Variants in ENTREP1 observed in about 807,000 individuals in gnomAD.
ENTREP1 encodes the protein Friedreich ataxia region gene X123.
chr9:69,391,424 G>A, the ENTREP1 span, among the ~76,000 whole-genome samples: 13 of 152,174 alleles, frequency 8.5e-5, no homozygotes, highest in African/African-American at 3.1e-4. Flanking sequence ...AACATTTGGA[G>A]GATTTACAAA....
the ENTREP1 span, among the ~76,000 whole-genome samples, chr9:69,374,494 T>G: frequency 3.9e-5 from 6 of 152,158 alleles, no homozygotes; most frequent in Non-Finnish European, 7.3e-5. Context: ...CACCAGTGAC[T>G]GGTGAATTTC....
the ENTREP1 span, among the ~76,000 whole-genome samples, chr9:69,338,364 A>T: frequency 2.0e-5 from 3 of 152,220 alleles, no homozygotes; most frequent in Non-Finnish European, 4.4e-5. Context: ...TAAATTACTC[A>T]GTAATACAAA....
At chr9:69,378,973 T>G in the ENTREP1 span, among the ~76,000 whole-genome samples, 3 of 151,814 alleles carry the variant, frequency 2.0e-5, no homozygotes, top group African/African-American at 7.3e-5. Flanking sequence ...TAACCCAGAG[T>G]GGCAAGGCAG....
the ENTREP1 span, chr9:69,388,291 C>T: frequency 8.7e-6 from 14 of 1,614,064 alleles, no homozygotes; most frequent in South Asian, 1.5e-4. Flanking sequence ...ATTACAAATC[C>T]TACATGGACA....
chr9:69,391,709 C>T, the ENTREP1 span: 260 of 1,613,922 alleles, frequency 1.6e-4, 1 homozygote, highest in African/African-American at 8.0e-4. Context: ...CACCTTCACA[C>T]CAGCGGGGAG....
chr9:69,335,644 G>A, the ENTREP1 span, among the ~76,000 whole-genome samples: 2 of 152,188 alleles, frequency 1.3e-5, no homozygotes, highest in African/African-American at 2.4e-5. Flanking sequence ...TAATGGATGG[G>A]TACCTGACGA....
chr9:69,335,273 C>T, the ENTREP1 span, among the ~76,000 whole-genome samples: 9 of 152,282 alleles, frequency 5.9e-5, no homozygotes, highest in Middle Eastern at 3.4e-3. Flanking sequence ...AGACACATCC[C>T]TCAATTATTA....
chr9:69,336,325 C>A, the ENTREP1 span: 1 of 1,075,938 alleles, frequency 9.3e-7, no homozygotes, highest in Non-Finnish European at 1.4e-6. Flanking sequence ...TGTATGAAGT[C>A]TGTTCATATA....
the ENTREP1 span, among the ~76,000 whole-genome samples, chr9:69,372,920 C>T: frequency 2.0e-5 from 3 of 151,592 alleles, no homozygotes; most frequent in Non-Finnish European, 4.4e-5. Context: ...TTGCATTTTC[C>T]TTATGATTAG....
the ENTREP1 span, chr9:69,375,777 A>G: frequency 1.9e-6 from 3 of 1,613,846 alleles, no homozygotes; most frequent in African/African-American, 4.0e-5. Flanking sequence ...GTTGTGAAGA[A>G]TTTCAACCAG....
the ENTREP1 span, among the ~76,000 whole-genome samples, chr9:69,368,401 T>G: frequency 6.6e-6 from 1 of 152,140 alleles, no homozygotes; most frequent in Non-Finnish European, 1.5e-5. Context: ...GGATGTTAAA[T>G]TTGATGATCA....
At chr9:69,362,550 G>A in the ENTREP1 span, among the ~76,000 whole-genome samples, 1 of 152,198 alleles carries the variant, frequency 6.6e-6, no homozygotes, top group Non-Finnish European at 1.5e-5. Context: ...AAGTAGTCAT[G>A]ATTCAAATGA....
the ENTREP1 span, chr9:69,375,844 G>T: frequency 6.2e-7 from 1 of 1,613,798 alleles, no homozygotes; most frequent in Admixed American, 1.7e-5. Flanking sequence ...GCCCTGTAGT[G>T]CTGTTCACCT....
chr9:69,328,865 C>G, the ENTREP1 span, among the ~76,000 whole-genome samples: 1 of 152,126 alleles, frequency 6.6e-6, no homozygotes, highest in Non-Finnish European at 1.5e-5. Context: ...AGTAGTTACT[C>G]CTCATTCTCC....
the ENTREP1 span, chr9:69,380,327 A>C: frequency 6.6e-6 from 1 of 152,264 alleles, no homozygotes; most frequent in Non-Finnish European, 1.5e-5. Flanking sequence ...TCAACTTTAT[A>C]GACACTCATG....
the ENTREP1 span, among the ~76,000 whole-genome samples, chr9:69,328,725 CAT>C: frequency 6.6e-6 from 1 of 151,992 alleles, no homozygotes; most frequent in Admixed American, 6.6e-5. Context: ...ACAGCTTTGA[CAT>C]ATATTCACAT....
chr9:69,334,909 G>A, the ENTREP1 span, among the ~76,000 whole-genome samples: 2 of 151,136 alleles, frequency 1.3e-5, no homozygotes, highest in African/African-American at 4.9e-5. Flanking sequence ...CCCAAGTAGC[G>A]TCACCATGCC....
chr9:69,383,548 G>T, the ENTREP1 span: 1 of 1,584,982 alleles, frequency 6.3e-7, no homozygotes, highest in Non-Finnish European at 8.6e-7. Flanking sequence ...ACAGTTTAGA[G>T]CAAAGCCAGT....
chr9:69,335,512 C>T, the ENTREP1 span, among the ~76,000 whole-genome samples: 2 of 152,094 alleles, frequency 1.3e-5, no homozygotes, highest in African/African-American at 4.8e-5. Flanking sequence ...TGAGGGAGGG[C>T]AGGTACTTGG....
Sources: allele counts gnomAD v4.1 joint callset (sites outside exome capture counted in the v4.1 genomes callset), GRCh38; gene constraint gnomAD v4.1.1; transcripts MANE v1.5; gene names NCBI Gene and HGNC (gene_info 2026-07-23, HGNC 2026-07-21).